CLEC2A: variants seen among roughly 807,000 people sequenced by gnomAD.
CLEC2A encodes the protein keratinocyte-associated C-type lectin.
A neutral mutation model predicts 18.6 loss-of-function variants in CLEC2A; 19 were observed. The ratio of observed to expected loss-of-function variants is 1.02; its 90% confidence interval spans 0.71 to 1.50. The LOEUF is 1.50. Among genes scored for constraint, CLEC2A ranks in the 40% most tolerant of loss-of-function variants. The pLI is 0.00. For missense variants in CLEC2A, 190 were observed against 207.9 expected, an observed-to-expected ratio of 0.91 and a Z score of 0.53; for synonymous variants, 74 against 64.0, an observed-to-expected ratio of 1.16 and a Z score of -0.75.
At chr12:9,915,109 C>T (rs1863049449) in intron 4 of CLEC2A, among the ~76,000 whole-genome samples, 1 of 151,858 alleles carries the variant, frequency 6.6e-6, no homozygotes, top group Admixed American at 6.6e-5. Flanking sequence ...AAAAGCTCAA[C>T]GTCACTGATC....
intron 4 of CLEC2A, among the ~76,000 whole-genome samples, chr12:9,904,301 A>G (rs998373830): frequency 3.9e-5 from 6 of 152,124 alleles, no homozygotes; most frequent in East Asian, 3.9e-4. Flanking sequence ...GGAGAGAGCT[A>G]CCTTACAATT....
the CLEC2A span, among the ~76,000 whole-genome samples, chr12:9,882,348 G>T: frequency 6.6e-6 from 1 of 151,996 alleles, no homozygotes; most frequent in Admixed American, 6.6e-5. Context: ...TGCACCCCCT[G>T]CCCCCACAAA....
At position 9,931,783 on chromosome 12, in the gene CLEC2A, G is replaced by C. The variant is rs145881056; in HGVS notation, c.55+492C>G. Among the ~76,000 whole-genome samples the C allele has an allele frequency of 4.1e-3, 630 of 152,176 alleles. 8 individuals carry two copies. The highest frequency in any genetic ancestry group is 0.014 in the African/African-American group (568 of 41,508). ...TTTAACATAAACCCTCAGAACTATT[G>C]TGAATGGAGGGTGTTTGTATGTGTA... On this transcript the variant is annotated intron_variant, in intron 1 of 4. Coordinates refer to ENST00000455827, the MANE Select transcript of CLEC2A (RefSeq NM_001130711.2).
At chr12:9,889,858 A>C in the CLEC2A span, among the ~76,000 whole-genome samples, 1 of 152,078 alleles carries the variant, frequency 6.6e-6, no homozygotes, top group African/African-American at 2.4e-5. Flanking sequence ...ATCAATATAT[A>C]AAGTTAAATA....
At position 9,927,236 on chromosome 12, in the gene CLEC2A, G is replaced by A. The variant is rs76923141; in HGVS notation, c.56-893C>T. On this transcript the variant is annotated intron_variant, in intron 1 of 4. Transcript: ENST00000455827. ...CTACAAAACTGGATAGCATGTTATC[G>A]TACTAATTACTGCAGGCAATTATAA... Among the ~76,000 whole-genome samples the A allele has an allele frequency of 4.1e-3, 631 of 152,224 alleles. 8 individuals are homozygous for A. The highest frequency in any genetic ancestry group is 0.014 in the African/African-American group (568 of 41,526).
At chr12:9,912,507 C>G (rs147597796), downstream of CLEC2A, among the ~76,000 whole-genome samples, 1 of 152,132 alleles carries the variant, frequency 6.6e-6, no homozygotes, top group Non-Finnish European at 1.5e-5. Flanking sequence ...TCATTTCATT[C>G]GCCTCTTCTC....
At chr12:9,903,291 T>C (rs1440692633) in intron 4 of CLEC2A, among the ~76,000 whole-genome samples, 2 of 152,126 alleles carry the variant, frequency 1.3e-5, no homozygotes, top group East Asian at 3.8e-4. Context: ...AGGGGAGGTT[T>C]TTGTGAGAGC....
intron 4 of CLEC2A, among the ~76,000 whole-genome samples, chr12:9,905,813 T>C (rs547365783): frequency 1.5e-3 from 221 of 152,312 alleles, no homozygotes; most frequent in Non-Finnish European, 2.5e-3. Context: ...TATAATATTT[T>C]CAGTTAATGC....
At chr12:9,888,758 T>C in the CLEC2A span, 3 of 1,505,672 alleles carry the variant, frequency 2.0e-6, no homozygotes, top group African/African-American at 4.1e-5. Context: ...TCTCCCAGAA[T>C]GTAAACGTCA....
intron 2 of CLEC2A, among the ~76,000 whole-genome samples, chr12:9,925,707 A>G (rs1863258873): frequency 6.6e-6 from 1 of 152,262 alleles, no homozygotes; most frequent in Admixed American, 6.5e-5. Context: ...AAAACTTGAA[A>G]CTTACATTTG....
At chr12:9,910,831 G>C (rs1862973902), downstream of CLEC2A, among the ~76,000 whole-genome samples, 1 of 152,178 alleles carries the variant, frequency 6.6e-6, no homozygotes, top group Non-Finnish European at 1.5e-5. Flanking sequence ...CGCAACGAGA[G>C]AGTGTGACGC....
At chr12:9,921,925 A>T in intron 3 of CLEC2A, 141 bp downstream of exon 3, 1 of 635,896 alleles carries the variant, frequency 1.6e-6, no homozygotes, top group Non-Finnish European at 2.4e-6. Context: ...GAGGAAAAAT[A>T]ATCCAGGTAT....
intron 2 of CLEC2A, among the ~76,000 whole-genome samples, chr12:9,924,468 C>CA (rs1302997017): frequency 6.6e-6 from 1 of 151,092 alleles, no homozygotes; most frequent in Non-Finnish European, 1.5e-5. Context: ...CAACCCAACC[C>CA]AATCAAACCA....
intron 3 of CLEC2A, among the ~76,000 whole-genome samples, chr12:9,921,462 C>T (rs1043471174): frequency 6.6e-6 from 1 of 152,078 alleles, no homozygotes; most frequent in Non-Finnish European, 1.5e-5. Flanking sequence ...TGGTCTGCAC[C>T]TGTAGTCCCA....
At chr12:9,930,561 A>T (rs1187322929) in intron 1 of CLEC2A, among the ~76,000 whole-genome samples, 1 of 151,526 alleles carries the variant, frequency 6.6e-6, no homozygotes, top group South Asian at 2.1e-4. Flanking sequence ...AACGTCTCCT[A>T]TTATCTCATT....
rs1363730753 is a variant in CLEC2A, at chr12:9,926,202, A to G, written c.139+58T>C. The G allele has an allele frequency of 8.7e-6, 9 of 1,029,748 alleles. No individual in the cohort carries two copies. The East Asian group carries it at 2.4e-4, about 27-fold the overall frequency. 63.8% of individuals were successfully genotyped at this position (1,029,748 alleles called of 1,614,324 possible). A position where few individuals can be genotyped will look rare whatever the true frequency, so the allele number is the denominator to read the frequency against. On this transcript the variant is annotated intron_variant, in intron 2 of 4. Coordinates refer to ENST00000455827, the MANE Select transcript of CLEC2A (RefSeq NM_001130711.2). ...GGAGATTTGGAGTTAAACTTGAGATATACATGGACCCTTCAGGAGTGAAGA... is the reference window on the plus strand; with the variant it reads ...GGAGATTTGGAGTTAAACTTGAGATGTACATGGACCCTTCAGGAGTGAAGA...
downstream of CLEC2A, among the ~76,000 whole-genome samples, chr12:9,912,290 G>A (rs775153113): frequency 2.0e-5 from 3 of 152,096 alleles, no homozygotes; most frequent in Non-Finnish European, 4.4e-5. Flanking sequence ...CCAGCCAGCT[G>A]GCTCTGCAGG....
the CLEC2A span, among the ~76,000 whole-genome samples, chr12:9,889,706 A>T: frequency 4.0e-5 from 6 of 151,794 alleles, no homozygotes; most frequent in African/African-American, 1.2e-4. Flanking sequence ...ATATACATAT[A>T]TGTAAATGCC....
downstream of CLEC2A, among the ~76,000 whole-genome samples, chr12:9,894,237 A>G (rs1021207624): frequency 6.9e-6 from 1 of 144,058 alleles, no homozygotes; most frequent in Admixed American, 7.3e-5. Context: ...GCTGGAGTGC[A>G]GTGGCATGAT....
Sources: gnomAD v4.1 joint callset for allele counts (sites outside exome capture counted in the v4.1 genomes callset) on GRCh38, gnomAD v4.1.1 for gene constraint, MANE v1.5 for transcripts, NCBI Gene and HGNC (gene_info 2026-07-23, HGNC 2026-07-21) for gene names.